Variants in ABCA9 observed in about 807,000 individuals in gnomAD.
The protein encoded by ABCA9 is ATP-binding cassette sub-family A member 9.
In ABCA9, 183 loss-of-function variants were observed where a neutral mutation model predicts 205.3. That is an observed-to-expected ratio of 0.89 (90% CI 0.79 to 1.01). The LOEUF is 1.01. ABCA9 is among the 50% of genes least tolerant of loss of function. The probability of loss-of-function intolerance (pLI) is 0.00; values close to 1 mark genes in which losing one functional copy is unlikely to be tolerated. For synonymous variants in ABCA9, 651 were observed against 683.3 expected, an observed-to-expected ratio of 0.95 and a Z score of 0.74; for missense variants, 1,805 against 1,912.4, an observed-to-expected ratio of 0.94 and a Z score of 1.05.
At chr17:68,993,256 C>T (rs909180062) in intron 26 of ABCA9, among the ~76,000 whole-genome samples, 172 bp from the exon 27 acceptor site, 1 of 152,214 alleles carries the variant, frequency 6.6e-6, no homozygotes, top group Non-Finnish European at 1.5e-5. Context: ...GTCTTCTTTG[C>T]TTCCAGTGTG....
At chr17:68,977,288 G>A (rs1359873801) in intron 37 of ABCA9, among the ~76,000 whole-genome samples, 2 of 151,928 alleles carry the variant, frequency 1.3e-5, no homozygotes, top group African/African-American at 2.4e-5. Context: ...ATAGATGAGG[G>A]GGGGAAAGAA....
At position 69,004,486 on chromosome 17, in the gene ABCA9, C is replaced by G. The variant is rs556942025; in HGVS notation, c.3435+3273G>C. Among the ~76,000 whole-genome samples, 16 of 152,298 alleles carry G rather than the reference C, an allele frequency of 1.1e-4. No homozygotes were observed. The East Asian group carries it at 2.9e-3, about 28-fold the overall frequency. On this transcript the variant is annotated intron_variant, in intron 25 of 38. Coordinates refer to ENST00000340001, the MANE Select transcript of ABCA9 (RefSeq NM_080283.4). ...CTGCCCGTTCTCAGATCTCCAGCTGCGTACTGGGAGAACCACTGCTTTCTT... is the reference window on the plus strand; with the variant it reads ...CTGCCCGTTCTCAGATCTCCAGCTGGGTACTGGGAGAACCACTGCTTTCTT...
chr17:69,049,999 A>G (rs2071849103), intron 2 of ABCA9, among the ~76,000 whole-genome samples: 1 of 152,146 alleles, frequency 6.6e-6, no homozygotes, highest in Non-Finnish European at 1.5e-5. Flanking sequence ...TTGGAAATAC[A>G]GCACAATGCA....
chr17:69,037,790 T>A (rs1312191713), intron 6 of ABCA9, among the ~76,000 whole-genome samples: 3 of 151,664 alleles, frequency 2.0e-5, no homozygotes, highest in Non-Finnish European at 1.5e-5. Context: ...CTGTTTTTTT[T>A]AAAAGATTAA....
chr17:68,997,944 C>T (rs563224934), intron 25 of ABCA9, among the ~76,000 whole-genome samples: 16 of 152,136 alleles, frequency 1.1e-4, no homozygotes, highest in Non-Finnish European at 1.9e-4. Context: ...CTATTCATCC[C>T]TCACTCCCTA....
At chr17:69,027,273 A>G in intron 14 of ABCA9, 57 bp downstream of exon 14, 1 of 1,581,204 alleles carries the variant, frequency 6.3e-7, no homozygotes, top group Admixed American at 1.9e-5. Flanking sequence ...GTTTGACCTA[A>G]TAAAATAATT....
intron 3 of ABCA9, among the ~76,000 whole-genome samples, chr17:69,047,734 G>A (rs1029979861): frequency 9.2e-5 from 14 of 152,168 alleles, no homozygotes; most frequent in Admixed American, 6.6e-5. Context: ...CACAAGACAT[G>A]CCTAAGTTGC....
intron 25 of ABCA9, chr17:69,004,930 C>T: frequency 6.5e-6 from 1 of 153,628 alleles, no homozygotes; most frequent in Non-Finnish European, 1.4e-5. Flanking sequence ...AAGGGAACTC[C>T]CTGACCCCTT....
At chr17:69,009,322 G>C (rs1161806852) in intron 23 of ABCA9, among the ~76,000 whole-genome samples, 1 of 152,154 alleles carries the variant, frequency 6.6e-6, no homozygotes, top group Non-Finnish European at 1.5e-5. Flanking sequence ...TCATGAGTTA[G>C]GGTATGGGCA....
intron 36 of ABCA9, 114 bp downstream of exon 36, chr17:68,983,595 T>C: frequency 7.1e-7 from 1 of 1,403,074 alleles, no homozygotes; most frequent in South Asian, 1.4e-5. Flanking sequence ...AGTAAAGTAC[T>C]TGCAATTACC....
chr17:68,979,042 C>T (rs917723880), intron 37 of ABCA9, among the ~76,000 whole-genome samples: 9 of 152,174 alleles, frequency 5.9e-5, no homozygotes, highest in East Asian at 1.9e-4. Flanking sequence ...AAAACCCCAT[C>T]GTCTCAGCCC....
intron 22 of ABCA9, among the ~76,000 whole-genome samples, chr17:69,015,537 C>G (rs187320076): frequency 1.3e-5 from 2 of 152,210 alleles, no homozygotes; most frequent in East Asian, 3.9e-4. Context: ...TCTAATAAAG[C>G]TGAACATTAT....
chr17:68,976,576 A>G (rs2068898620), intron 37 of ABCA9, among the ~76,000 whole-genome samples: 1 of 152,188 alleles, frequency 6.6e-6, no homozygotes, highest in African/African-American at 2.4e-5. Flanking sequence ...TGGCAAGCCC[A>G]TTAGGAAGGA....
chr17:68,983,880 A>G (rs765216195), intron 35 of ABCA9, 31 bp from the exon 36 acceptor site: 13 of 1,613,854 alleles, frequency 8.1e-6, no homozygotes, highest in Non-Finnish European at 1.1e-5. Flanking sequence ...AAGTCAAGCA[A>G]GAAAAGAGAA....
At chr17:69,002,058 C>G (rs1295787280) in intron 25 of ABCA9, among the ~76,000 whole-genome samples, 1 of 151,372 alleles carries the variant, frequency 6.6e-6, no homozygotes, top group Admixed American at 6.6e-5. Flanking sequence ...TTGATCCTTT[C>G]AAAAAACCAG....
the ABCA9 span, among the ~76,000 whole-genome samples, chr17:69,072,942 T>C: frequency 6.6e-6 from 1 of 151,852 alleles, no homozygotes; most frequent in South Asian, 2.1e-4. Flanking sequence ...AAAGCAGGGG[T>C]TGCAATCCTA....
At chr17:69,013,388 C>CATTACAGCATATAAAA (rs1185845657) in intron 22 of ABCA9, among the ~76,000 whole-genome samples, 1 of 152,074 alleles carries the variant, frequency 6.6e-6, no homozygotes, top group Non-Finnish European at 1.5e-5. Flanking sequence ...CCCTCTGAGA[C>CATTACAGCATATAAAA]ATTACAGCAT....
chr17:69,061,174 A>G, upstream of ABCA9: 1 of 984,240 alleles, frequency 1.0e-6, no homozygotes, highest in Non-Finnish European at 1.2e-6. Flanking sequence ...AACATTAGGA[A>G]CTATCAAACC....
chr17:69,019,157 T>G (rs1466958340), intron 19 of ABCA9, among the ~76,000 whole-genome samples: 1 of 152,128 alleles, frequency 6.6e-6, no homozygotes, highest in African/African-American at 2.4e-5. Context: ...TATTAACTCC[T>G]TCCTGACTCT....
Sources: allele counts gnomAD v4.1 joint callset (sites outside exome capture counted in the v4.1 genomes callset), GRCh38; gene constraint gnomAD v4.1.1; transcripts MANE v1.5; gene names NCBI Gene and HGNC (gene_info 2026-07-23, HGNC 2026-07-21).